ZNF664: variants seen among roughly 807,000 people sequenced by gnomAD.
The protein encoded by ZNF664 is zinc finger protein 664, also known as zinc finger Organ of Corti 1.
ZNF664 carries 10 observed loss-of-function variants against 18.2 expected under a neutral mutation model. The observed-to-expected ratio is 0.55, with a 90% CI of 0.34 to 0.93. The LOEUF is 0.93. Among genes scored for constraint, ZNF664 ranks in the 40% least tolerant of loss-of-function variants. The pLI is 0.02. For synonymous variants in ZNF664, 119 were observed against 104.2 expected, an observed-to-expected ratio of 1.14 and a Z score of -0.86; for missense variants, 193 against 319.0, an observed-to-expected ratio of 0.61 and a Z score of 3.01.
intron 2 of ZNF664, 102 bp downstream of exon 2, chr12:123,974,122 C>A (rs1466075903): frequency 4.6e-6 from 4 of 875,936 alleles, no homozygotes; most frequent in Admixed American, 8.8e-5. Flanking sequence ...CTGTCCCCGG[C>A]TTCTCATGAA....
At chr12:123,978,301 T>C (rs1000106696) in intron 2 of ZNF664, among the ~76,000 whole-genome samples, 18 of 152,216 alleles carry the variant, frequency 1.2e-4, no homozygotes, top group African/African-American at 4.3e-4. Context: ...CAGGTGGTTA[T>C]AGGATGTGAA....
intron 2 of ZNF664, among the ~76,000 whole-genome samples, chr12:123,985,168 G>T (rs1222227013): frequency 6.6e-6 from 1 of 152,110 alleles, no homozygotes; most frequent in Non-Finnish European, 1.5e-5. Flanking sequence ...TTAGTCGGGG[G>T]ATGGCTCCAG....
chr12:123,974,245 A>G, intron 2 of ZNF664: 1 of 393,054 alleles, frequency 2.5e-6, no homozygotes, highest in Non-Finnish European at 4.5e-6. Context: ...GCCGAACTCT[A>G]ACAACTAAAT....
chr12:123,977,877 CT>C (rs898957219), intron 2 of ZNF664, among the ~76,000 whole-genome samples: 3 of 151,776 alleles, frequency 2.0e-5, no homozygotes, highest in Non-Finnish European at 4.4e-5. Context: ...CAAATGCCCC[CT>C]GAGTCTAAAG....
rs1015303541 is a variant in ZNF664 at position 124,014,405 on chromosome 12, T to G, written c.*1475T>G. On this transcript the variant is annotated 3_prime_UTR_variant, in exon 5 of 5. Transcript: ENST00000337815. The stretch of plus-strand genomic sequence containing the variant: ...ATCCTGACTTTCAGAGGCCTTTTTT[T>G]GTTTGTTTTAATTTTTGCTAGATTG... 6.0e-6 allele frequency: 1 copy of G among 167,078 alleles called. No homozygotes were observed. Among genetic ancestry groups the G allele is most frequent in the Non-Finnish European group, 1.5e-5 (1 of 68,140 alleles). The allele number at this position is 167,078 out of a possible 1,614,324, so 10.3% of individuals were successfully genotyped here.
chr12:123,981,409 A>G (rs1956763546), intron 2 of ZNF664, among the ~76,000 whole-genome samples: 3 of 152,128 alleles, frequency 2.0e-5, no homozygotes, highest in Admixed American at 2.0e-4. Context: ...ATGGGTTGTC[A>G]TGGGAGGGGA....
At chr12:124,009,876 A>C (rs191234141) in intron 3 of ZNF664, among the ~76,000 whole-genome samples, 140 of 144,118 alleles carry the variant, frequency 9.7e-4, no homozygotes, top group Middle Eastern at 3.6e-3. Context: ...AACATATACT[A>C]TTGTGTACCT....
intron 3 of ZNF664, among the ~76,000 whole-genome samples, chr12:123,992,526 C>A (rs550616271): frequency 2.0e-5 from 3 of 152,134 alleles, no homozygotes; most frequent in South Asian, 2.1e-4. Context: ...ACTTCAGAAC[C>A]CTTGGGGAAG....
At chr12:123,992,641 G>A (rs1041668986) in intron 3 of ZNF664, among the ~76,000 whole-genome samples, 20 of 152,206 alleles carry the variant, frequency 1.3e-4, no homozygotes, top group Admixed American at 1.2e-3. Flanking sequence ...CTGTCAGGGC[G>A]TGTTTCCAGG....
chr12:123,982,609 T>C (rs1956778709), intron 2 of ZNF664, among the ~76,000 whole-genome samples: 1 of 152,184 alleles, frequency 6.6e-6, no homozygotes, highest in Non-Finnish European at 1.5e-5. Context: ...ACAATCTGAT[T>C]GGCTTAGCTT....
chr12:123,974,133 C>A, intron 2 of ZNF664, 113 bp downstream of exon 2: 1 of 704,242 alleles, frequency 1.4e-6, no homozygotes. Context: ...TTCTCATGAA[C>A]TCCGTATACC....
chr12:123,985,879 A>T (rs952930738), intron 2 of ZNF664, among the ~76,000 whole-genome samples: 5 of 152,240 alleles, frequency 3.3e-5, no homozygotes, highest in African/African-American at 1.2e-4. Flanking sequence ...ATTAGCTTGT[A>T]CAAAACCATA....
chr12:123,988,201 C>T (rs1219300562), intron 3 of ZNF664, 63 bp downstream of exon 3: 1 of 1,227,412 alleles, frequency 8.1e-7, no homozygotes, highest in Non-Finnish European at 1.0e-6. Flanking sequence ...GTATTTTAAG[C>T]CAAAGCTGTC....
rs1354823277 is a variant in ZNF664, at chr12:124,014,424, T to C, written c.*1494T>C. ...TTTTTTTGTTTGTTTTAATTTTTGC[T>C]AGATTGATATTAAAAACTCATGTGG... On this transcript the variant is annotated 3_prime_UTR_variant, in exon 5 of 5. Coordinates refer to ENST00000337815, the MANE Select transcript of ZNF664 (RefSeq NM_152437.3). The C allele has an allele frequency of 1.2e-5, 2 of 167,084 alleles. No individual in the cohort carries two copies. The highest frequency in any genetic ancestry group is 6.5e-5 in the Admixed American group (1 of 15,292). The allele number at this position is 167,084 out of a possible 1,614,324, so 10.4% of individuals were successfully genotyped here. A position where few individuals can be genotyped will look rare whatever the true frequency, so the allele number is the denominator to read the frequency against.
At chr12:123,983,305 C>T (rs1461827982) in intron 2 of ZNF664, among the ~76,000 whole-genome samples, 1 of 152,178 alleles carries the variant, frequency 6.6e-6, no homozygotes, top group Admixed American at 6.5e-5. Context: ...CAGAAGCATT[C>T]AAAATGTAAT....
At position 123,976,101 on chromosome 12, in the gene ZNF664, A is replaced by G. The variant is rs909055940; in HGVS notation, c.-757+2081A>G. Among the ~76,000 whole-genome samples the G allele has an allele frequency of 6.6e-5, 10 of 152,206 alleles. 1 individual carries two copies. Among genetic ancestry groups the G allele is most frequent in the African/African-American group, 2.2e-4 (9 of 41,448 alleles). ...GCCTGTAGTGTGGCCAGCAAAATCA[A>G]CTTATTTTGTTCTCTTGAAGCTTAT... On this transcript the variant is annotated intron_variant, in intron 2 of 4. Coordinates refer to ENST00000337815, the MANE Select transcript of ZNF664 (RefSeq NM_152437.3).
rs557061913 is a variant in ZNF664, at chr12:123,992,188, C to T, written c.-661+4050C>T. On this transcript the variant is annotated intron_variant, in intron 3 of 4. Coordinates refer to ENST00000337815, the MANE Select transcript of ZNF664 (RefSeq NM_152437.3). Reference sequence around the variant, plus strand: ...GCAGTAAGGAAAGGGGAGAAGGAGGCGAGGGGCCCAAACACCTGGGGACCA... The same window carrying T: ...GCAGTAAGGAAAGGGGAGAAGGAGGTGAGGGGCCCAAACACCTGGGGACCA... Among the ~76,000 whole-genome samples the T allele has an allele frequency of 3.9e-5, 6 of 152,054 alleles. No individual in the cohort carries two copies. In the East Asian group the frequency reaches 1.2e-3, roughly 29 times the overall value.
At chr12:124,005,046 C>G (rs1957055034) in intron 3 of ZNF664, 1 of 153,272 alleles carries the variant, frequency 6.5e-6, no homozygotes. Context: ...CACCCCTGCC[C>G]CCAGTCTGTG....
intron 3 of ZNF664, among the ~76,000 whole-genome samples, chr12:124,000,650 C>G (rs1957000890): frequency 6.6e-6 from 1 of 152,218 alleles, no homozygotes; most frequent in Admixed American, 6.5e-5. Context: ...TAGAAATTCC[C>G]TCGTGCATCT....
Sources: gnomAD v4.1 joint callset for allele counts (sites outside exome capture counted in the v4.1 genomes callset) on GRCh38, gnomAD v4.1.1 for gene constraint, MANE v1.5 for transcripts, NCBI Gene and HGNC (gene_info 2026-07-23, HGNC 2026-07-21) for gene names.